The following PTH2R variants were observed in gnomAD, a reference collection of about 807,000 sequenced individuals.
The protein encoded by PTH2R is parathyroid hormone 2 receptor, also known as PTH2 receptor.
In PTH2R, 59 loss-of-function variants were observed where a neutral mutation model predicts 60.3. The observed-to-expected ratio is 0.98, with a 90% confidence interval of 0.79 to 1.22. PTH2R has a LOEUF of 1.22. Among genes scored for constraint, PTH2R ranks in the 50% most tolerant of loss-of-function variants. The probability of loss-of-function intolerance (pLI) is 0.00; values close to 1 mark genes in which losing one functional copy is unlikely to be tolerated. For missense variants in PTH2R, 749 were observed against 682.6 expected, an observed-to-expected ratio of 1.10 and a Z score of -1.08; for synonymous variants, 256 against 243.8, an observed-to-expected ratio of 1.05 and a Z score of -0.47.
At chr2:208,435,652 T>G (rs1024098568) in intron 2 of PTH2R, among the ~76,000 whole-genome samples, 22 of 152,088 alleles carry the variant, frequency 1.4e-4, no homozygotes, top group African/African-American at 5.1e-4. Flanking sequence ...GGACCTTGGT[T>G]CTATGTCTGC....
chr2:208,430,544 TTC>T (rs1053508118), intron 2 of PTH2R, among the ~76,000 whole-genome samples: 1 of 129,280 alleles, frequency 7.7e-6, no homozygotes, highest in African/African-American at 2.9e-5. Flanking sequence ...TCTGTCTGGC[TTC>T]TTTTTTTTTT....
At chr2:208,371,135 A>G (rs1470185093) in intron 1 of PTH2R, among the ~76,000 whole-genome samples, 1 of 152,074 alleles carries the variant, frequency 6.6e-6, no homozygotes, top group Non-Finnish European at 1.5e-5. Context: ...CCCACCTCCA[A>G]CTTGGGGATT....
chr2:208,390,917 A>C (rs1701097643), intron 1 of PTH2R, among the ~76,000 whole-genome samples: 1 of 152,204 alleles, frequency 6.6e-6, no homozygotes, highest in Non-Finnish European at 1.5e-5. Flanking sequence ...TTTCAGCTTA[A>C]GATCTATTTT....
At chr2:208,398,178 A>C (rs1701247419) in intron 1 of PTH2R, among the ~76,000 whole-genome samples, 1 of 152,198 alleles carries the variant, frequency 6.6e-6, no homozygotes, top group Non-Finnish European at 1.5e-5. Context: ...CATTAAAAAA[A>C]GTTAGTTTCT....
intron 1 of PTH2R, among the ~76,000 whole-genome samples, chr2:208,372,255 C>T (rs1005573880): frequency 1.3e-5 from 2 of 152,046 alleles, no homozygotes; most frequent in African/African-American, 4.8e-5. Context: ...GTTAGATTAT[C>T]CCATGTAATA....
chr2:208,439,606 G>A (rs569126519), intron 4 of PTH2R, among the ~76,000 whole-genome samples: 120 of 151,932 alleles, frequency 7.9e-4, no homozygotes, highest in African/African-American at 2.8e-3. Context: ...ATATTTTTGA[G>A]CACTATTTTT....
chr2:208,360,291 G>A (rs1700428031), intron 1 of PTH2R: 1 of 395,422 alleles, frequency 2.5e-6, no homozygotes, highest in African/African-American at 2.1e-5. Context: ...AGCCCCTACG[G>A]GGTCTCCTAC....
At chr2:208,482,310 C>G (rs1293349517) in intron 10 of PTH2R, among the ~76,000 whole-genome samples, 3 of 152,082 alleles carry the variant, frequency 2.0e-5, no homozygotes, top group Admixed American at 6.6e-5. Context: ...TAGACACACA[C>G]AAGATAGTGA....
Position 208,444,837 on chromosome 2 carries a change from CT to C in PTH2R, c.806del (p.Phe269SerfsTer13). On this transcript the variant is annotated frameshift_variant, in exon 7 of 13. Coordinates refer to ENST00000272847, the MANE Select transcript of PTH2R (RefSeq NM_005048.4). LOFTEE classifies it high-confidence loss of function. ...TACCTGCATAATCTCATCTTTGTGG[CT>C]TTCTTTTCGGACACCAAATACCTGT... The part of the protein sequence containing the change: ...GLYLHNLIFV[A>X]FFSDTKYLWG... 1 of 1,613,822 alleles carries C rather than the reference CT, an allele frequency of 6.2e-7. No individual in the cohort carries two copies. Among genetic ancestry groups the C allele is most frequent in the South Asian group, 1.1e-5 (1 of 91,052 alleles).
chr2:208,459,981 T>C lies in PTH2R; in HGVS notation c.981+20T>C. ...ATTGGGGTAAGTTTAAAAGTTTGTA[T>C]AGTTAAAAAAGGGATGAAAAATTAA... On this transcript the variant is annotated intron_variant, in intron 9 of 12. Coordinates refer to ENST00000272847, the MANE Select transcript of PTH2R (RefSeq NM_005048.4). The C allele has an allele frequency of 1.2e-6, 2 of 1,607,308 alleles. No individual in the cohort carries two copies. The highest frequency in any genetic ancestry group is 4.5e-5 in the East Asian group (2 of 44,850).
At chr2:208,448,087 C>A (rs975268556) in intron 7 of PTH2R, among the ~76,000 whole-genome samples, 11 of 152,096 alleles carry the variant, frequency 7.2e-5, no homozygotes, top group Non-Finnish European at 7.4e-5. Context: ...AATATTTTCA[C>A]ATAATATGTT....
intron 10 of PTH2R, among the ~76,000 whole-genome samples, chr2:208,486,144 C>T (rs1703268842): frequency 6.6e-6 from 1 of 152,192 alleles, no homozygotes; most frequent in Non-Finnish European, 1.5e-5. Flanking sequence ...GCCAGGGGCC[C>T]AGGGTATGTG....
At chr2:208,490,548 C>A (rs1162467161) in intron 11 of PTH2R, 91 bp from the exon 12 acceptor site, 3 of 1,259,786 alleles carry the variant, frequency 2.4e-6, no homozygotes, top group African/African-American at 1.5e-5. Context: ...TCATAAAAAA[C>A]AATTTTTGGA....
intron 2 of PTH2R, among the ~76,000 whole-genome samples, chr2:208,431,055 A>G (rs187792815): frequency 6.6e-6 from 1 of 152,202 alleles, no homozygotes; most frequent in Non-Finnish European, 1.5e-5. Context: ...GAACTTTAAG[A>G]AGACAAATAT....
chr2:208,429,694 AT>A (rs1448113171), intron 2 of PTH2R, among the ~76,000 whole-genome samples: 4 of 152,140 alleles, frequency 2.6e-5, no homozygotes, highest in Non-Finnish European at 4.4e-5. Flanking sequence ...TGTTAAGTAT[AT>A]TCGCATTGTT....
At chr2:208,377,021 C>CT (rs1240634466) in intron 1 of PTH2R, among the ~76,000 whole-genome samples, 1 of 151,998 alleles carries the variant, frequency 6.6e-6, no homozygotes, top group Non-Finnish European at 1.5e-5. Context: ...ACCCTGCGGG[C>CT]TTCCACAGTA....
At chr2:208,474,348 A>G (rs1702952416) in intron 9 of PTH2R, among the ~76,000 whole-genome samples, 1 of 152,214 alleles carries the variant, frequency 6.6e-6, no homozygotes, top group African/African-American at 2.4e-5. Context: ...TTCATGTAGT[A>G]GTGATATAAG....
rs572555078 is a variant in PTH2R, at chr2:208,388,207, C to G, written c.-259+27970C>G. 3.3e-5 allele frequency among the ~76,000 whole-genome samples: 5 copies of G among 151,276 alleles called. No homozygotes were observed. The East Asian group carries it at 9.8e-4, about 30-fold the overall frequency. ...GGCGGTCACCTGTAGCCCCCAGCTA[C>G]TCGGGAGGCTGAGGCAGGAGAATGG... On this transcript the variant is annotated intron_variant, in intron 1 of 12. Transcript: ENST00000617735.
intron 9 of PTH2R, among the ~76,000 whole-genome samples, chr2:208,463,297 T>C (rs1338128544): frequency 6.6e-6 from 1 of 152,112 alleles, no homozygotes; most frequent in Non-Finnish European, 1.5e-5. Context: ...TGCTGTTCTG[T>C]ATGCCTGCCA....
Sources: allele counts gnomAD v4.1 joint callset (sites outside exome capture counted in the v4.1 genomes callset), GRCh38; gene constraint gnomAD v4.1.1; transcripts MANE v1.5; gene names NCBI Gene and HGNC (gene_info 2026-07-23, HGNC 2026-07-21).